The following ROBO2 variants were observed in gnomAD, a reference collection of about 807,000 sequenced individuals.
ROBO2 encodes roundabout guidance receptor 2, also known as roundabout homolog 2.
ROBO2 carries 53 observed loss-of-function variants against 160.8 expected under a neutral mutation model. The ratio of observed to expected loss-of-function variants is 0.33; its 90% confidence interval spans 0.26 to 0.41. ROBO2 has a LOEUF of 0.41. ROBO2 is among the 10% of genes least tolerant of loss of function. The pLI is 1.00. For missense variants in ROBO2, 1,577 were observed against 1,722.4 expected (o/e 0.92, Z 1.49); for synonymous variants, 664 against 611.7 (o/e 1.09, Z -1.26).
chr3:76,545,464 G>T (rs569942097), intron 2 of ROBO2, among the ~76,000 whole-genome samples: 1 of 152,012 alleles, frequency 6.6e-6, no homozygotes, highest in South Asian at 2.1e-4. Flanking sequence ...CTTAAGATAA[G>T]GCTTACAAGT....
At chr3:76,690,967 C>T (rs558705406) in intron 2 of ROBO2, among the ~76,000 whole-genome samples, 1 of 152,104 alleles carries the variant, frequency 6.6e-6, no homozygotes, top group East Asian at 1.9e-4. Context: ...TATCTGTAGT[C>T]CTAGCTTCTC....
At chr3:75,948,604 G>C (rs1472463583) in intron 2 of ROBO2, among the ~76,000 whole-genome samples, 1 of 152,022 alleles carries the variant, frequency 6.6e-6, no homozygotes, top group African/African-American at 2.4e-5. Flanking sequence ...CCCTGTAAGA[G>C]ACATGCTACT....
At chr3:76,721,271 G>GTATTCA (rs5850286) in intron 2 of ROBO2, among the ~76,000 whole-genome samples, 10,886 of 61,376 alleles carry the variant, frequency 0.18, 469 homozygotes, top group South Asian at 0.22. Context: ...AACTTTTGAA[G>GTATTCA]TATTTTGTAC....
intron 2 of ROBO2, among the ~76,000 whole-genome samples, chr3:76,569,039 T>G (rs1189035097): frequency 1.3e-5 from 2 of 152,236 alleles, no homozygotes; most frequent in African/African-American, 2.4e-5. Context: ...TGACTTGATA[T>G]AGATATAAAT....
At chr3:77,577,393 G>A (rs1333952846) in intron 14 of ROBO2, 97 bp from the exon 16 acceptor site, 1 of 1,520,918 alleles carries the variant, frequency 6.6e-7, no homozygotes, top group African/African-American at 1.4e-5. Flanking sequence ...GGAAGCCAGA[G>A]TCTCCTGCAA....
chr3:76,459,731 T>A (rs1254384828), intron 2 of ROBO2, among the ~76,000 whole-genome samples: 4 of 152,192 alleles, frequency 2.6e-5, no homozygotes, highest in Non-Finnish European at 5.9e-5. Flanking sequence ...ATTATTGGAA[T>A]TCATCTTGTG....
At chr3:77,548,341 A>C (rs2153651188) in intron 7 of ROBO2, among the ~76,000 whole-genome samples, 1 of 152,202 alleles carries the variant, frequency 6.6e-6, no homozygotes, top group African/African-American at 2.4e-5. Context: ...CACATTATGA[A>C]GGTTAAGCAA....
chr3:77,292,840 CG>C (rs1390685903), intron 2 of ROBO2, among the ~76,000 whole-genome samples: 2 of 145,638 alleles, frequency 1.4e-5, no homozygotes, highest in African/African-American at 5.0e-5. Context: ...GACGGTTAAA[CG>C]GGTAAGCTGA....
chr3:77,194,893 T>A (rs538445447), intron 2 of ROBO2, among the ~76,000 whole-genome samples: 4 of 152,268 alleles, frequency 2.6e-5, no homozygotes, highest in African/African-American at 9.6e-5. Context: ...TTTATAGTAA[T>A]CATTGTATTA....
At chr3:77,642,084 GA>G (rs1442890786) in intron 24 of ROBO2, among the ~76,000 whole-genome samples, 1 of 152,166 alleles carries the variant, frequency 6.6e-6, no homozygotes, top group Non-Finnish European at 1.5e-5. Flanking sequence ...GCTAACTCAT[GA>G]AACGAACAGC....
At chr3:76,802,745 G>T (rs1340310139) in intron 2 of ROBO2, among the ~76,000 whole-genome samples, 1 of 138,376 alleles carries the variant, frequency 7.2e-6, no homozygotes, top group East Asian at 2.1e-4. Flanking sequence ...AAAAAAAAAA[G>T]ATACCACCTT....
At chr3:77,365,151 A>G (rs75104507) in intron 2 of ROBO2, among the ~76,000 whole-genome samples, 1 of 13,766 alleles carries the variant, frequency 7.3e-5, no homozygotes, top group Non-Finnish European at 3.8e-4. Context: ...CCATCTCAGG[A>G]AAAAAAAAAA....
intron 2 of ROBO2, among the ~76,000 whole-genome samples, chr3:76,376,685 A>T (rs755275055): frequency 6.6e-6 from 1 of 152,100 alleles, no homozygotes; most frequent in Non-Finnish European, 1.5e-5. Context: ...AGGTGATGCA[A>T]CTCAAATCTG....
At chr3:76,414,845 A>T (rs1299760564) in intron 2 of ROBO2, among the ~76,000 whole-genome samples, 1 of 152,144 alleles carries the variant, frequency 6.6e-6, no homozygotes, top group African/African-American at 2.4e-5. Flanking sequence ...AACAAAAAAA[A>T]TTATTCTAAG....
intron 2 of ROBO2, among the ~76,000 whole-genome samples, chr3:76,922,337 T>C (rs1248708527): frequency 2.0e-5 from 3 of 152,048 alleles, no homozygotes; most frequent in Admixed American, 2.0e-4. Flanking sequence ...AATGTACAAG[T>C]TATGGTGATG....
intron 2 of ROBO2, among the ~76,000 whole-genome samples, chr3:76,750,041 A>T (rs556961594): frequency 1.3e-5 from 2 of 152,272 alleles, no homozygotes; most frequent in Admixed American, 1.3e-4. Flanking sequence ...TGATGCAAAA[A>T]TCCGCAATAA....
chr3:76,899,372 T>C (rs2075057438), intron 2 of ROBO2, among the ~76,000 whole-genome samples: 1 of 152,140 alleles, frequency 6.6e-6, no homozygotes. Flanking sequence ...GAGCACAGAA[T>C]AACAATACAA....
intron 2 of ROBO2, among the ~76,000 whole-genome samples, chr3:77,237,093 C>A (rs190383828): frequency 1.0e-3 from 159 of 151,804 alleles, no homozygotes; most frequent in African/African-American, 3.6e-3. Flanking sequence ...GGCTCTTCTC[C>A]AATTCCTGAC....
In ROBO2 at chr3:77,642,696, G is replaced by T. The variant is rs534571700; in HGVS notation, c.3935-2008G>T. ...ATCTTCCACCACCACCAGATCCCCC[G>T]CCAGGTCAGGGTTTAAGGCAGCAAA... On this transcript the variant is annotated intron_variant, in intron 24 of 25. Coordinates refer to ENST00000461745, the Ensembl canonical transcript of ROBO2. 84 of 456,316 alleles carry T rather than the reference G, an allele frequency of 1.8e-4. No homozygotes were observed. The highest frequency in any genetic ancestry group is 1.0e-3 in the Admixed American group (43 of 42,530). 28.3% of individuals were successfully genotyped at this position (456,316 alleles called of 1,614,324 possible).
Sources: gnomAD v4.1 joint callset for allele counts (sites outside exome capture counted in the v4.1 genomes callset) on GRCh38, gnomAD v4.1.1 for gene constraint, MANE v1.5 for transcripts, NCBI Gene and HGNC (gene_info 2026-07-23, HGNC 2026-07-21) for gene names.